ST7: variants seen among roughly 807,000 people sequenced by gnomAD.
ST7 encodes suppressor of tumorigenicity 7 protein.
In ST7, 28 loss-of-function variants were observed where a neutral mutation model predicts 78.7. That is an observed-to-expected ratio of 0.36 (90% CI 0.26 to 0.49). ST7 has a LOEUF of 0.49. ST7 is among the 20% of genes least tolerant of loss of function. The pLI is 0.99. For synonymous variants in ST7, 247 were observed against 249.6 expected, an observed-to-expected ratio of 0.99 and a Z score of 0.10; for missense variants, 418 against 696.0, an observed-to-expected ratio of 0.60 and a Z score of 4.49.
intron 1 of ST7, among the ~76,000 whole-genome samples, chr7:117,028,656 C>G (rs1454746127): frequency 1.3e-5 from 2 of 152,176 alleles, no homozygotes; most frequent in African/African-American, 4.8e-5. Flanking sequence ...CAAACTACCT[C>G]AAAACATACT....
intron 10 of ST7, among the ~76,000 whole-genome samples, chr7:117,184,965 A>G (rs184269657): frequency 6.6e-6 from 1 of 152,334 alleles, no homozygotes; most frequent in Non-Finnish European, 1.5e-5. Context: ...TTTAAAAATT[A>G]TAATAGGCAA....
intron 1 of ST7, among the ~76,000 whole-genome samples, chr7:117,037,997 G>GA (rs1408394340): frequency 3.3e-5 from 5 of 151,808 alleles, no homozygotes; most frequent in African/African-American, 1.2e-4. Flanking sequence ...AGCCTTAACT[G>GA]AAAAAAAATC....
intron 1 of ST7, among the ~76,000 whole-genome samples, chr7:117,050,682 G>A (rs1797739949): frequency 6.6e-6 from 1 of 152,114 alleles, no homozygotes; most frequent in Non-Finnish European, 1.5e-5. Context: ...TGTGATACTA[G>A]CACTTAAGGA....
intron 1 of ST7, among the ~76,000 whole-genome samples, chr7:117,087,466 A>G (rs1800244404): frequency 6.6e-6 from 1 of 152,234 alleles, no homozygotes; most frequent in Admixed American, 6.5e-5. Flanking sequence ...CACATTCATA[A>G]TGATTAACCA....
intron 1 of ST7, among the ~76,000 whole-genome samples, chr7:117,028,501 G>A (rs776124493): frequency 6.6e-6 from 1 of 152,060 alleles, no homozygotes; most frequent in Non-Finnish European, 1.5e-5. Flanking sequence ...CTAGTTTTCA[G>A]GGGGAGGCTT....
chr7:117,186,938 G>C (rs1563151466), intron 10 of ST7, among the ~76,000 whole-genome samples: 3 of 152,196 alleles, frequency 2.0e-5, no homozygotes, highest in Non-Finnish European at 4.4e-5. Context: ...AAGTGGAATT[G>C]CTGGGTAGTC....
chr7:116,964,258 A>G (rs1792986620), intron 1 of ST7, among the ~76,000 whole-genome samples: 1 of 152,238 alleles, frequency 6.6e-6, no homozygotes, highest in Non-Finnish European at 1.5e-5. Context: ...GAATGCTTAC[A>G]GTTCTCTTTG....
intron 1 of ST7, among the ~76,000 whole-genome samples, chr7:117,011,359 G>C (rs1031522289): frequency 3.3e-5 from 5 of 152,138 alleles, no homozygotes; most frequent in African/African-American, 9.7e-5. Context: ...AGGGGACAGT[G>C]GGGGCTAGAA....
intron 2 of ST7, among the ~76,000 whole-genome samples, chr7:117,101,753 T>C (rs1309070556): frequency 6.6e-6 from 1 of 152,172 alleles, no homozygotes; most frequent in Non-Finnish European, 1.5e-5. Flanking sequence ...AGCAGCCAAC[T>C]CCAGAAACCC....
At chr7:117,119,113 CT>C (rs1230357077) in intron 2 of ST7, among the ~76,000 whole-genome samples, 2 of 152,154 alleles carry the variant, frequency 1.3e-5, no homozygotes, top group Non-Finnish European at 2.9e-5. Context: ...TGCCCCGCCC[CT>C]ACCCCGATTT....
At chr7:117,208,110 A>G (rs1312744024) in intron 12 of ST7, among the ~76,000 whole-genome samples, 2 of 152,142 alleles carry the variant, frequency 1.3e-5, no homozygotes, top group Middle Eastern at 3.2e-3. Context: ...GCTGATATTC[A>G]TTATAAACAT....
At chr7:117,038,230 C>G (rs1342266717) in intron 1 of ST7, among the ~76,000 whole-genome samples, 1 of 152,256 alleles carries the variant, frequency 6.6e-6, no homozygotes, top group East Asian at 1.9e-4. Context: ...CCTGCATTAA[C>G]CTATGCAGGG....
intron 2 of ST7, chr7:117,112,337 G>A (rs1265750524): frequency 6.6e-6 from 1 of 152,170 alleles, no homozygotes; most frequent in Non-Finnish European, 1.5e-5. Context: ...CATGCCAGGT[G>A]TACTATATTA....
chr7:117,004,026 T>G (rs1272810617), intron 1 of ST7, among the ~76,000 whole-genome samples: 1 of 152,208 alleles, frequency 6.6e-6, no homozygotes, highest in African/African-American at 2.4e-5. Context: ...AAGACTAAAT[T>G]TTATGGTATC....
chr7:117,090,212 C>T (rs753195212), intron 1 of ST7, among the ~76,000 whole-genome samples: 20 of 151,554 alleles, frequency 1.3e-4, no homozygotes, highest in Admixed American at 1.1e-3. Context: ...GGACTTCAGA[C>T]TGTACAGGTA....
intron 9 of ST7, among the ~76,000 whole-genome samples, chr7:117,168,398 T>G (rs892285938): frequency 1.3e-5 from 2 of 152,192 alleles, no homozygotes; most frequent in African/African-American, 2.4e-5. Context: ...ACCTGAAGAA[T>G]TGGCTGAAAA....
intron 1 of ST7, among the ~76,000 whole-genome samples, chr7:117,062,952 T>G (rs1241008881): frequency 1.3e-5 from 2 of 152,218 alleles, no homozygotes; most frequent in Non-Finnish European, 2.9e-5. Context: ...AAACTTTCCT[T>G]TAGTTTTTTA....
rs538622649 is a variant in ST7, at chr7:117,117,554, T to TTGAG, written c.235-2004_235-2001dup. Among the ~76,000 whole-genome samples, 525 of 152,268 alleles carry TTGAG rather than the reference T, an allele frequency of 3.4e-3. 2 individuals carry two copies. The highest frequency in any genetic ancestry group is 3.7e-3 in the Non-Finnish European group (254 of 68,008). On this transcript the variant is annotated intron_variant, in intron 2 of 15. Transcript: ENST00000323984. Reference sequence around the variant, plus strand: ...AGCCATGAATCTATTGAGGGCCTTGTTGAGTGGTCAGGATTGTACAGTGAG... The same window carrying TTGAG: ...AGCCATGAATCTATTGAGGGCCTTGTTGAGTGAGTGGTCAGGATTGTACAGTGAG...
chr7:117,087,606 A>G (rs1043501956), intron 1 of ST7, among the ~76,000 whole-genome samples: 2 of 152,208 alleles, frequency 1.3e-5, no homozygotes, highest in African/African-American at 4.8e-5. Context: ...ATTCAATGCC[A>G]TTTATCTTTA....
Sources: gnomAD v4.1 joint callset for allele counts (sites outside exome capture counted in the v4.1 genomes callset) on GRCh38, gnomAD v4.1.1 for gene constraint, MANE v1.5 for transcripts, NCBI Gene and HGNC (gene_info 2026-07-23, HGNC 2026-07-21) for gene names.